Variants in DCBLD2 observed in about 807,000 individuals in gnomAD.
The protein encoded by DCBLD2 is discoidin, CUB and LCCL domain containing 2.
In DCBLD2, 54 loss-of-function variants were observed where a neutral mutation model predicts 86.8. That is an observed-to-expected ratio of 0.62 (90% confidence interval 0.50 to 0.78). The LOEUF (loss-of-function observed/expected upper bound fraction) is 0.78, where lower values mean the gene tolerates loss of function less well. Among genes scored for constraint, DCBLD2 ranks in the 30% least tolerant of loss-of-function variants. The pLI, the probability that DCBLD2 is intolerant of heterozygous loss-of-function variation, is 0.00. For synonymous variants in DCBLD2, 354 were observed against 341.3 expected, an observed-to-expected ratio of 1.04 and a Z score of -0.41; for missense variants, 908 against 954.2, an observed-to-expected ratio of 0.95 and a Z score of 0.64.
intron 3 of DCBLD2, among the ~76,000 whole-genome samples, chr3:98,831,224 G>A (rs903138914): frequency 1.9e-4 from 28 of 147,120 alleles, no homozygotes; most frequent in African/African-American, 7.0e-4. Context: ...TTTTTTTTTG[G>A]TATTTTTAGT....
chr3:98,863,865 A>C (rs2107502419), intron 2 of DCBLD2, among the ~76,000 whole-genome samples: 1 of 152,322 alleles, frequency 6.6e-6, no homozygotes, highest in South Asian at 2.1e-4. Flanking sequence ...ATGGGATCTA[A>C]TTAAACTAAA....
chr3:98,835,553 CTTT>C (rs1256169506), intron 3 of DCBLD2, among the ~76,000 whole-genome samples: 1 of 142,074 alleles, frequency 7.0e-6, no homozygotes, highest in Non-Finnish European at 1.5e-5. Flanking sequence ...TTTTTTTCTT[CTTT>C]TTTTTTTTTT....
intron 2 of DCBLD2, among the ~76,000 whole-genome samples, chr3:98,861,513 C>T (rs1189481726): frequency 2.6e-5 from 4 of 152,058 alleles, no homozygotes; most frequent in Non-Finnish European, 5.9e-5. Context: ...GAACAGAAAT[C>T]ATAACAAACT....
Position 98,846,771 on chromosome 3 carries a change from T to G in DCBLD2, c.571+2690A>C, listed in dbSNP as rs866649758. ...TTTGTAAGCTACACAACATACTGAT[T>G]CTTTTATCTGAGGTCATAGCCAATT... On this transcript the variant is annotated intron_variant, in intron 3 of 15. Coordinates refer to ENST00000326840, the MANE Select transcript of DCBLD2 (RefSeq NM_080927.4). Among the ~76,000 whole-genome samples, 351 of 152,294 alleles carry G rather than the reference T, an allele frequency of 2.3e-3. 3 individuals carry two copies. Among genetic ancestry groups the G allele is most frequent in the African/African-American group, 8.0e-3 (333 of 41,572 alleles).
chr3:98,885,139 G>A (rs1415618903), intron 1 of DCBLD2, among the ~76,000 whole-genome samples: 1 of 152,040 alleles, frequency 6.6e-6, no homozygotes, highest in African/African-American at 2.4e-5. Flanking sequence ...TGTAGGGGGA[G>A]GGCAGGAACA....
At position 98,885,001 on chromosome 3, in the gene DCBLD2, C is replaced by G. The variant is rs149658699; in HGVS notation, c.206-3234G>C. Among the ~76,000 whole-genome samples the G allele has an allele frequency of 2.5e-3, 379 of 152,222 alleles. 7 individuals are homozygous for G. Among genetic ancestry groups the G allele is most frequent in the African/African-American group, 8.9e-3 (369 of 41,530 alleles). On this transcript the variant is annotated intron_variant, in intron 1 of 15. Coordinates refer to ENST00000326840, the MANE Select transcript of DCBLD2 (RefSeq NM_080927.4). ...TCAATAAATACACGAACATTTACTGCCCTTTCCAACATGAAGGATAATTTC... is the reference window on the plus strand; with the variant it reads ...TCAATAAATACACGAACATTTACTGGCCTTTCCAACATGAAGGATAATTTC...
chr3:98,899,248 CTATT>C (rs1381825680), intron 1 of DCBLD2, among the ~76,000 whole-genome samples: 4 of 140,978 alleles, frequency 2.8e-5, no homozygotes, highest in African/African-American at 1.0e-4. Flanking sequence ...ATTAGACTGG[CTATT>C]TCTTTTTCTT....
chr3:98,901,412 C>CGGCAGCGGCGGGAGAACAAGA lies in DCBLD2; in HGVS notation c.-107_-87dup. 8.1e-7 allele frequency: 1 copy of CGGCAGCGGCGGGAGAACAAGA among 1,228,172 alleles called. No individual in the cohort carries two copies. The highest frequency in any genetic ancestry group is 1.0e-6 in the Non-Finnish European group (1 of 981,254). 76.1% of individuals were successfully genotyped at this position (1,228,172 alleles called of 1,614,324 possible). A position where few individuals can be genotyped will look rare whatever the true frequency, so the allele number is the denominator to read the frequency against. On this transcript the variant is annotated 5_prime_UTR_variant, in exon 1 of 16. Coordinates refer to ENST00000326840, the MANE Select transcript of DCBLD2 (RefSeq NM_080927.4). Reference sequence around the variant, plus strand: ...GCCGCGGCACCCGACCAGGAGACGGCGGCAGCGGCGGGAGAACAAGAGGCA... The same window carrying CGGCAGCGGCGGGAGAACAAGA: ...GCCGCGGCACCCGACCAGGAGACGGCGGCAGCGGCGGGAGAACAAGAGGCAGCGGCGGGAGAACAAGAGGCA...
At chr3:98,801,810 GT>G in intron 13 of DCBLD2, 161 bp from the exon 14 acceptor site, 1 of 519,412 alleles carries the variant, frequency 1.9e-6, no homozygotes, top group East Asian at 3.1e-5. Flanking sequence ...GCGGTGTTTG[GT>G]TTTTTGTCCT....
At chr3:98,799,983 T>A in intron 15 of DCBLD2, 142 bp from the exon 16 acceptor site, 1 of 695,456 alleles carries the variant, frequency 1.4e-6, no homozygotes, top group Non-Finnish European at 2.3e-6. Flanking sequence ...TGTAAGAACT[T>A]TGAAAATTAA....
chr3:98,870,198 C>T (rs1378797690), intron 2 of DCBLD2, among the ~76,000 whole-genome samples: 1 of 152,142 alleles, frequency 6.6e-6, no homozygotes, highest in Non-Finnish European at 1.5e-5. Flanking sequence ...AATAGGGTGT[C>T]CTTTCCCCCA....
intron 6 of DCBLD2, among the ~76,000 whole-genome samples, chr3:98,821,716 A>C (rs1942121175): frequency 6.6e-6 from 1 of 152,196 alleles, no homozygotes. Flanking sequence ...GAAGAACAAT[A>C]AGCTAAAGTA....
intron 2 of DCBLD2, among the ~76,000 whole-genome samples, chr3:98,857,030 C>T (rs1282389561): frequency 6.6e-6 from 1 of 152,204 alleles, no homozygotes; most frequent in Non-Finnish European, 1.5e-5. Flanking sequence ...TGTTACGGTT[C>T]TTAAAGGTGG....
At chr3:98,807,187 C>T (rs1017276559) in intron 13 of DCBLD2, among the ~76,000 whole-genome samples, 11 of 152,312 alleles carry the variant, frequency 7.2e-5, no homozygotes, top group African/African-American at 2.6e-4. Flanking sequence ...AGCGTACATG[C>T]GATGACTCAC....
At chr3:98,833,456 T>C (rs1188405257) in intron 3 of DCBLD2, among the ~76,000 whole-genome samples, 1 of 152,266 alleles carries the variant, frequency 6.6e-6, no homozygotes, top group Non-Finnish European at 1.5e-5. Flanking sequence ...TCAGCCTGGT[T>C]AAGAACCCTC....
chr3:98,840,299 G>C (rs1310093972), intron 3 of DCBLD2, among the ~76,000 whole-genome samples: 1 of 152,166 alleles, frequency 6.6e-6, no homozygotes, highest in Admixed American at 6.5e-5. Context: ...CGAAGAATTG[G>C]CAGCTGAATA....
intron 1 of DCBLD2, among the ~76,000 whole-genome samples, chr3:98,899,865 T>G (rs1482166076): frequency 2.0e-5 from 3 of 152,084 alleles, no homozygotes; most frequent in Non-Finnish European, 4.4e-5. Context: ...AAGCCCTAAG[T>G]GTTAGCCATA....
intron 1 of DCBLD2, among the ~76,000 whole-genome samples, chr3:98,898,712 T>C (rs529188219): frequency 2.0e-5 from 3 of 152,272 alleles, no homozygotes; most frequent in East Asian, 1.9e-4. Flanking sequence ...CAGTAGACCC[T>C]AAAGAACATC....
chr3:98,859,851 G>T (rs1559789603), intron 2 of DCBLD2, among the ~76,000 whole-genome samples: 1 of 152,228 alleles, frequency 6.6e-6, no homozygotes, highest in Non-Finnish European at 1.5e-5. Flanking sequence ...CTCCTCGCCA[G>T]CAACGGAACA....
Sources: gnomAD v4.1 joint callset for allele counts (sites outside exome capture counted in the v4.1 genomes callset) on GRCh38, gnomAD v4.1.1 for gene constraint, MANE v1.5 for transcripts, NCBI Gene and HGNC (gene_info 2026-07-23, HGNC 2026-07-21) for gene names.